EML6: variants seen among roughly 807,000 people sequenced by gnomAD.
EML6 encodes the protein echinoderm microtubule-associated protein-like 6.
Under a neutral mutation model 240.1 loss-of-function variants are expected in EML6, and 154 were observed. That is an observed-to-expected ratio of 0.64 (90% confidence interval 0.56 to 0.73). The LOEUF (loss-of-function observed/expected upper bound fraction) is 0.73, where lower values mean the gene tolerates loss of function less well. Among genes scored for constraint, EML6 ranks in the 30% least tolerant of loss-of-function variants. The probability of loss-of-function intolerance (pLI) is 0.00; values close to 1 mark genes in which losing one functional copy is unlikely to be tolerated. For missense variants in EML6, 2,964 were observed against 2,474.6 expected (o/e 1.20, Z -4.20); for synonymous variants, 1,148 against 899.0 (o/e 1.28, Z -4.95).
intron 15 of EML6, among the ~76,000 whole-genome samples, chr2:54,870,395 C>T (rs920426222): frequency 3.8e-4 from 57 of 149,772 alleles, no homozygotes; most frequent in African/African-American, 1.2e-3. Context: ...ATTTGCTGGC[C>T]CTCCAACTGA....
At chr2:54,880,691 A>G (rs1487015795) in intron 17 of EML6, 1 of 152,204 alleles carries the variant, frequency 6.6e-6, no homozygotes, top group Non-Finnish European at 1.5e-5. Context: ...TGTTTCTAGT[A>G]TTCCTCACTG....
intron 2 of EML6, among the ~76,000 whole-genome samples, chr2:54,803,345 C>G (rs944195402): frequency 1.3e-5 from 2 of 152,040 alleles, no homozygotes; most frequent in African/African-American, 4.8e-5. Context: ...TCAATTTAGC[C>G]CTATTTGTCA....
chr2:54,858,687 C>A (rs1404564803), intron 11 of EML6, among the ~76,000 whole-genome samples: 7 of 152,142 alleles, frequency 4.6e-5, no homozygotes, highest in Non-Finnish European at 8.8e-5. Flanking sequence ...AGCATGCTCT[C>A]AAAAAATGTA....
At chr2:54,943,966 C>G (rs916354853) in intron 28 of EML6, among the ~76,000 whole-genome samples, 2 of 152,132 alleles carry the variant, frequency 1.3e-5, no homozygotes, top group South Asian at 2.1e-4. Flanking sequence ...GTTCTTCTCT[C>G]GCCTTTTTGA....
chr2:54,787,637 A>C lies in EML6; in HGVS notation c.198-25595A>C, dbSNP rs550143793. 1.3e-5 allele frequency among the ~76,000 whole-genome samples: 2 copies of C among 152,328 alleles called. 1 individual carries two copies. The highest frequency in any genetic ancestry group is 4.2e-4 in the South Asian group (2 of 4,818). ...CTGAATGATTAATAAATGCTTATGG[A>C]ACTGAAGCAATCTTTAGCAATAAAG... On this transcript the variant is annotated intron_variant, in intron 2 of 41. Coordinates refer to ENST00000356458, the MANE Select transcript of EML6 (RefSeq NM_001039753.4).
At chr2:54,888,722 T>C (rs1156749753) in intron 17 of EML6, among the ~76,000 whole-genome samples, 1 of 152,226 alleles carries the variant, frequency 6.6e-6, no homozygotes. Flanking sequence ...TGCTGAATAA[T>C]ATCCATTGTC....
chr2:54,733,791 C>T (rs150181232), intron 2 of EML6, among the ~76,000 whole-genome samples: 3,682 of 152,244 alleles, frequency 0.024, 153 homozygotes, highest in Admixed American at 0.12. Context: ...AGAATGTCTA[C>T]CAGGTCCAAA....
intron 22 of EML6, among the ~76,000 whole-genome samples, chr2:54,901,730 A>G (rs941195391): frequency 1.3e-5 from 2 of 152,222 alleles, no homozygotes; most frequent in African/African-American, 2.4e-5. Context: ...AGCTTTCAGC[A>G]TACCATGAAC....
intron 26 of EML6, among the ~76,000 whole-genome samples, chr2:54,921,669 T>C (rs539540275): frequency 8.2e-4 from 125 of 152,248 alleles, no homozygotes; most frequent in African/African-American, 2.5e-3. Flanking sequence ...CTTTGAAATA[T>C]ACATTTCAAA....
chr2:54,729,234 C>G (rs151019426), intron 2 of EML6, among the ~76,000 whole-genome samples: 2 of 152,328 alleles, frequency 1.3e-5, no homozygotes, highest in East Asian at 3.9e-4. Context: ...CTGCAAAGCC[C>G]TATCTGCTGC....
At chr2:54,834,859 C>G (rs1043924480) in intron 7 of EML6, among the ~76,000 whole-genome samples, 1 of 152,142 alleles carries the variant, frequency 6.6e-6, no homozygotes, top group Admixed American at 6.5e-5. Flanking sequence ...TTGTAAGTTG[C>G]ATTCCTGCTT....
At position 54,940,329 on chromosome 2, in the gene EML6, G is replaced by A. The variant is rs78265816; in HGVS notation, c.4005-8553G>A. Among the ~76,000 whole-genome samples, 930 of 152,218 alleles carry A rather than the reference G, an allele frequency of 6.1e-3. 33 individuals carry two copies. Among genetic ancestry groups the A allele is most frequent in the Admixed American group, 0.051 (784 of 15,294 alleles). ...CTATAAAGAAAACTATATACTGTGG[G>A]CTTAAAAAAATTTTATGGGGTTTCA... On this transcript the variant is annotated intron_variant, in intron 28 of 41. Coordinates refer to ENST00000356458, the MANE Select transcript of EML6 (RefSeq NM_001039753.4).
Position 54,960,294 on chromosome 2 carries a change from G to C in EML6, c.4928G>C (p.Gly1643Ala). The C allele has an allele frequency of 6.4e-7, 1 of 1,551,340 alleles. No homozygotes were observed. Among genetic ancestry groups the C allele is most frequent in the Non-Finnish European group, 8.7e-7 (1 of 1,146,936 alleles). The part of the protein sequence containing the change: ...KRCRAFQLET[G>A]QLVECVRSVC... The stretch of plus-strand genomic sequence containing the variant: ...TGCCGGGCCTTTCAGCTGGAGACCG[G>C]GCAGCTGGTGGAGTGTGTGCGCTCC... Residue 1643 changes from glycine (G) to alanine (A), a missense_variant, in exon 35 of 42, where the codon GGG becomes GCG. Transcript: ENST00000356458.
chr2:54,930,887 A>G (rs978649953), intron 28 of EML6, among the ~76,000 whole-genome samples: 1 of 151,708 alleles, frequency 6.6e-6, no homozygotes, highest in African/African-American at 2.4e-5. Flanking sequence ...AAGAACAAGC[A>G]GACTCCACCA....
At chr2:54,850,500 A>G (rs548593070) in intron 10 of EML6, 2 of 340,670 alleles carry the variant, frequency 5.9e-6, no homozygotes, top group East Asian at 4.8e-5. Context: ...TAGACTAGGC[A>G]TAAATTCTTG....
chr2:54,930,518 CT>C (rs150838811), intron 28 of EML6, among the ~76,000 whole-genome samples: 187 of 145,576 alleles, frequency 1.3e-3, no homozygotes, highest in East Asian at 1.6e-3. Flanking sequence ...TGGAATGACT[CT>C]TTTTTTTTTT....
chr2:54,921,868 A>G (rs933838416), intron 26 of EML6, among the ~76,000 whole-genome samples: 7 of 152,180 alleles, frequency 4.6e-5, no homozygotes, highest in Non-Finnish European at 8.8e-5. Context: ...GAAACTGGAT[A>G]TCTACATTCA....
intron 25 of EML6, among the ~76,000 whole-genome samples, chr2:54,915,818 C>G (rs536688131): frequency 6.6e-6 from 1 of 152,196 alleles, no homozygotes; most frequent in African/African-American, 2.4e-5. Context: ...ATTTTAGCTA[C>G]AGTTCTCTAA....
chr2:54,767,573 A>G (rs1291441592), intron 2 of EML6, among the ~76,000 whole-genome samples: 2 of 151,326 alleles, frequency 1.3e-5, no homozygotes, highest in Non-Finnish European at 2.9e-5. Context: ...GCCTGGACCT[A>G]TACAGTAATT....
Sources: gnomAD v4.1 joint callset for allele counts (sites outside exome capture counted in the v4.1 genomes callset) on GRCh38, gnomAD v4.1.1 for gene constraint, MANE v1.5 for transcripts, NCBI Gene and HGNC (gene_info 2026-07-23, HGNC 2026-07-21) for gene names.